The following DENND5A variants were observed in gnomAD, a reference collection of about 807,000 sequenced individuals.
The protein encoded by DENND5A is DENN domain containing 5A, also known as DENN domain-containing protein 5A.
In DENND5A, 64 loss-of-function variants were observed where a neutral mutation model predicts 140.3. That is an observed-to-expected ratio of 0.46 (90% CI 0.37 to 0.56). The LOEUF (loss-of-function observed/expected upper bound fraction) is 0.56, where lower values mean the gene tolerates loss of function less well. Among genes scored for constraint, DENND5A ranks in the 20% least tolerant of loss-of-function variants. The pLI, the probability that DENND5A is intolerant of heterozygous loss-of-function variation, is 0.00. For missense variants in DENND5A, 1,292 were observed against 1,593.8 expected, an observed-to-expected ratio of 0.81 and a Z score of 3.22; for synonymous variants, 605 against 607.7, an observed-to-expected ratio of 1.00 and a Z score of 0.07.
intron 4 of DENND5A, among the ~76,000 whole-genome samples, chr11:9,194,685 T>C (rs1590259372): frequency 6.6e-6 from 1 of 151,944 alleles, no homozygotes; most frequent in Admixed American, 6.6e-5. Flanking sequence ...CGTGGGCTTG[T>C]GATCATATTT....
Position 9,144,118 on chromosome 11 carries a change from T to C in DENND5A, c.3283A>G (p.Ile1095Val), listed in dbSNP as rs758035676. ...SPSVIRRLVTISPNNKPKLNT... is the reference protein window; with the variant it reads ...SPSVIRRLVTVSPNNKPKLNT... Reference sequence around the variant, plus strand: ...TTACTGGGCTTGTTGTTGGGTGAGATGGTAACAAGCCTCCGGATGACACTG... The same window carrying C: ...TTACTGGGCTTGTTGTTGGGTGAGACGGTAACAAGCCTCCGGATGACACTG... The change falls in exon 19 of 23, where the codon ATC becomes GTC. Residue 1095 changes from isoleucine (I) to valine (V), a missense_variant. Coordinates refer to ENST00000328194, the MANE Select transcript of DENND5A (RefSeq NM_015213.4). The C allele has an allele frequency of 2.5e-6, 4 of 1,613,648 alleles. No individual in the cohort carries two copies. Among genetic ancestry groups the C allele is most frequent in the East Asian group, 2.2e-5 (1 of 44,860 alleles).
In DENND5A at chr11:9,139,592, G is replaced by A. The variant is rs566492210; in HGVS notation, c.*79C>T. ...TTTTGTCTCCTACTCCTGCACAATC[G>A]CTTAAGTCCCTTTGGGAAAAAAGGT... On this transcript the variant is annotated 3_prime_UTR_variant, in exon 23 of 23. Coordinates refer to ENST00000328194, the MANE Select transcript of DENND5A (RefSeq NM_015213.4). The A allele has an allele frequency of 1.8e-5, 25 of 1,386,266 alleles. No individual in the cohort carries two copies. The South Asian group carries it at 2.3e-4, about 13-fold the overall frequency. The allele number at this position is 1,386,266 out of a possible 1,614,324, so 85.9% of individuals were successfully genotyped here. A position where few individuals can be genotyped will look rare whatever the true frequency, so the allele number is the denominator to read the frequency against.
intron 1 of DENND5A, among the ~76,000 whole-genome samples, chr11:9,221,147 T>C (rs1850296779): frequency 6.6e-6 from 1 of 151,476 alleles, no homozygotes; most frequent in Admixed American, 6.6e-5. Context: ...AAACATTCAA[T>C]CGGCTGGACA....
intron 1 of DENND5A, among the ~76,000 whole-genome samples, chr11:9,243,230 C>G (rs772007899): frequency 1.3e-5 from 2 of 151,884 alleles, no homozygotes; most frequent in Admixed American, 6.6e-5. Flanking sequence ...GTTAACAGAG[C>G]TAGATGGGCA....
At chr11:9,225,177 T>G (rs1377848174) in intron 1 of DENND5A, among the ~76,000 whole-genome samples, 1 of 152,234 alleles carries the variant, frequency 6.6e-6, no homozygotes, top group Non-Finnish European at 1.5e-5. Flanking sequence ...AAATCACGCT[T>G]TTGCCATAAA....
At chr11:9,230,836 T>C (rs947931881) in intron 1 of DENND5A, among the ~76,000 whole-genome samples, 7 of 151,394 alleles carry the variant, frequency 4.6e-5, no homozygotes, top group South Asian at 4.2e-4. Flanking sequence ...TACAAAGAAA[T>C]AGAAAAATTA....
At chr11:9,192,247 C>T (rs1849151854) in intron 5 of DENND5A, among the ~76,000 whole-genome samples, 1 of 152,176 alleles carries the variant, frequency 6.6e-6, no homozygotes, top group Non-Finnish European at 1.5e-5. Flanking sequence ...CCAGTCATGA[C>T]CAGTGACACA....
chr11:9,153,026 G>GA (rs1479105876), intron 12 of DENND5A, among the ~76,000 whole-genome samples: 1 of 142,550 alleles, frequency 7.0e-6, no homozygotes, highest in Admixed American at 7.1e-5. Flanking sequence ...AAGAAAGAAA[G>GA]AAAAAAGCAG....
chr11:9,246,194 C>T (rs947392616), intron 1 of DENND5A, among the ~76,000 whole-genome samples: 5 of 152,086 alleles, frequency 3.3e-5, no homozygotes, highest in Admixed American at 2.0e-4. Context: ...CCAAAGAAGT[C>T]AGTGACAGAG....
chr11:9,187,314 G>C (rs1848950289), intron 5 of DENND5A, among the ~76,000 whole-genome samples: 1 of 152,070 alleles, frequency 6.6e-6, no homozygotes, highest in Non-Finnish European at 1.5e-5. Flanking sequence ...ACAGCTTTGG[G>C]GAGAGTAGCC....
rs533422210 is a variant in DENND5A, at chr11:9,145,346, A to G, written c.3004-233T>C. On this transcript the variant is annotated intron_variant, in intron 17 of 22. Coordinates refer to ENST00000328194, the MANE Select transcript of DENND5A (RefSeq NM_015213.4). ...GAAGAACAGGGTCAGGGAGCAAGAG[A>G]TTCTGGAAGTGGGTTCTGAGGTCTC... 4.5e-4 allele frequency: 267 copies of G among 586,828 alleles called. 1 individual carries two copies. Among genetic ancestry groups the G allele is most frequent in the Non-Finnish European group, 6.3e-4 (209 of 331,682 alleles). The allele number at this position is 586,828 out of a possible 1,614,324, so 36.4% of individuals were successfully genotyped here. A position where few individuals can be genotyped will look rare whatever the true frequency, so the allele number is the denominator to read the frequency against.
chr11:9,164,919 C>CT (rs1337467867), intron 11 of DENND5A, among the ~76,000 whole-genome samples: 2 of 152,164 alleles, frequency 1.3e-5, no homozygotes, highest in Non-Finnish European at 2.9e-5. Flanking sequence ...AAGCCCAGGA[C>CT]TTCAAGGCGA....
chr11:9,224,220 C>G (rs1850441005), intron 1 of DENND5A, among the ~76,000 whole-genome samples: 1 of 152,006 alleles, frequency 6.6e-6, no homozygotes, highest in Non-Finnish European at 1.5e-5. Context: ...AAAACATAAG[C>G]CTAAAACAAC....
intron 18 of DENND5A, 70 bp from the exon 19 acceptor site, chr11:9,144,348 A>G: frequency 6.7e-7 from 1 of 1,499,572 alleles, no homozygotes; most frequent in South Asian, 1.2e-5. Flanking sequence ...AGCCATCAAC[A>G]AAGCCAATCC....
At chr11:9,223,116 G>A (rs1175340226) in intron 1 of DENND5A, among the ~76,000 whole-genome samples, 3 of 152,192 alleles carry the variant, frequency 2.0e-5, no homozygotes, top group Admixed American at 6.5e-5. Context: ...CCGGCTGGGC[G>A]CGGTGGCTCA....
intron 5 of DENND5A, among the ~76,000 whole-genome samples, chr11:9,190,706 G>T (rs998573124): frequency 1.3e-5 from 2 of 152,128 alleles, no homozygotes; most frequent in Non-Finnish European, 2.9e-5. Flanking sequence ...GTAGTTAAAA[G>T]ATACCACATA....
intron 4 of DENND5A, chr11:9,203,392 C>A: frequency 5.6e-6 from 2 of 358,296 alleles, no homozygotes; most frequent in South Asian, 3.8e-5. Flanking sequence ...TCCTACCCAC[C>A]CCTCTTTTCA....
intron 12 of DENND5A, among the ~76,000 whole-genome samples, chr11:9,156,315 C>T (rs1847800187): frequency 6.6e-6 from 1 of 152,130 alleles, no homozygotes; most frequent in Non-Finnish European, 1.5e-5. Context: ...GGACTCAGAA[C>T]AAAATGGAAC....
intron 1 of DENND5A, among the ~76,000 whole-genome samples, chr11:9,255,897 G>A (rs1430479361): frequency 6.7e-6 from 1 of 150,206 alleles, no homozygotes; most frequent in Non-Finnish European, 1.5e-5. Flanking sequence ...TTGGTAACGG[G>A]TACCTGTAAT....
Sources: gnomAD v4.1 joint callset for allele counts (sites outside exome capture counted in the v4.1 genomes callset) on GRCh38, gnomAD v4.1.1 for gene constraint, MANE v1.5 for transcripts, NCBI Gene and HGNC (gene_info 2026-07-23, HGNC 2026-07-21) for gene names.